MS4A4E: variants seen among roughly 807,000 people sequenced by gnomAD.
MS4A4E encodes the protein putative membrane-spanning 4-domains subfamily A member 4E.
A neutral mutation model predicts 13.3 loss-of-function variants in MS4A4E; 23 were observed. The ratio of observed to expected loss-of-function variants is 1.73; its 90% CI spans 1.25 to 2.45. The LOEUF is 2.45. MS4A4E is among the 30% of genes most tolerant of loss of function. MS4A4E has a pLI of 0.00. For missense variants in MS4A4E, 144 were observed against 131.2 expected (o/e 1.10, Z -0.48); for synonymous variants, 36 against 45.6 (o/e 0.79, Z 0.85).
chr11:60,228,990 T>C (rs900265481), intron 2 of MS4A4E, among the ~76,000 whole-genome samples: 1 of 152,212 alleles, frequency 6.6e-6, no homozygotes, highest in Non-Finnish European at 1.5e-5. Flanking sequence ...TTAAAGCCCA[T>C]AGAACACACA....
At chr11:60,238,381 G>A (rs2084510061) in intron 1 of MS4A4E, among the ~76,000 whole-genome samples, 1 of 151,456 alleles carries the variant, frequency 6.6e-6, no homozygotes, top group Admixed American at 6.6e-5. Context: ...TCTTATTTTT[G>A]TATTTCTTCT....
At chr11:60,216,547 G>A (rs1034298019) in intron 3 of MS4A4E, among the ~76,000 whole-genome samples, 10 of 151,834 alleles carry the variant, frequency 6.6e-5, no homozygotes, top group African/African-American at 2.2e-4. Flanking sequence ...TTAGCAGAAT[G>A]TCCAGATCAT....
chr11:60,220,720 G>A (rs2868099), intron 3 of MS4A4E, among the ~76,000 whole-genome samples: 9,831 of 152,220 alleles, frequency 0.065, 512 homozygotes, highest in South Asian at 0.25. Flanking sequence ...TCAGTGGTGT[G>A]GGGCCTGTCA....
chr11:60,241,110 G>A (rs1296736481), intron 1 of MS4A4E, among the ~76,000 whole-genome samples: 4 of 152,092 alleles, frequency 2.6e-5, no homozygotes, highest in African/African-American at 4.8e-5. Flanking sequence ...TGCAAGCTCC[G>A]CCTCCCGGGT....
At chr11:60,241,018 T>C (rs137929092) in intron 1 of MS4A4E, among the ~76,000 whole-genome samples, 3 of 150,780 alleles carry the variant, frequency 2.0e-5, no homozygotes, top group African/African-American at 7.5e-5. Flanking sequence ...TATTTATTTA[T>C]TTATTTACTT....
Position 60,206,383 on chromosome 11 carries a change from T to C in MS4A4E, c.484-563A>G, listed in dbSNP as rs1202874302. ...AAATGCATTATTTATTAATTTAACT[T>C]CTAGTACTCTCGATAAAGGGCCAAT... On this transcript the variant is annotated intron_variant, in intron 6 of 8. Coordinates refer to ENST00000651255, the MANE Select transcript of MS4A4E (RefSeq NM_001393391.1). 2.7e-5 allele frequency among the ~76,000 whole-genome samples: 4 copies of C among 149,364 alleles called. No individual in the cohort carries two copies. The Admixed American group carries it at 2.7e-4, about 10-fold the overall frequency.
In MS4A4E at chr11:60,213,230, A is replaced by G. The variant is rs1253518936; in HGVS notation, c.223-98T>C. Reference sequence around the variant, plus strand: ...TGCTGTCTACCTTTATCTTATTTCAATAGTCTTCTAACTTGTCTCCTTATA... The same window carrying G: ...TGCTGTCTACCTTTATCTTATTTCAGTAGTCTTCTAACTTGTCTCCTTATA... On this transcript the variant is annotated intron_variant, in intron 4 of 8. Transcript: ENST00000651255. The G allele has an allele frequency of 4.8e-6, 7 of 1,464,894 alleles. No individual in the cohort carries two copies. In the Admixed American group the frequency reaches 1.2e-4, roughly 25 times the overall value. 90.7% of individuals were successfully genotyped at this position (1,464,894 alleles called of 1,614,324 possible).
At chr11:60,217,308 G>T (rs570204102) in intron 3 of MS4A4E, among the ~76,000 whole-genome samples, 3 of 152,158 alleles carry the variant, frequency 2.0e-5, no homozygotes, top group Non-Finnish European at 2.9e-5. Context: ...CTGTTAAAGC[G>T]AGAGCATTGA....
chr11:60,221,681 T>G (rs2084272225), intron 3 of MS4A4E, among the ~76,000 whole-genome samples: 1 of 152,184 alleles, frequency 6.6e-6, no homozygotes, highest in African/African-American at 2.4e-5. Flanking sequence ...TACTGATTCA[T>G]GGGCTATAGC....
At chr11:60,228,052 A>G (rs1409436770) in intron 3 of MS4A4E, among the ~76,000 whole-genome samples, 1 of 152,144 alleles carries the variant, frequency 6.6e-6, no homozygotes, top group Non-Finnish European at 1.5e-5. Context: ...GAGTTTGTCA[A>G]TACAATACCA....
intron 7 of MS4A4E, among the ~76,000 whole-genome samples, 101 bp downstream of exon 7, chr11:60,205,613 A>C (rs2084029266): frequency 6.6e-6 from 1 of 152,228 alleles, no homozygotes; most frequent in Non-Finnish European, 1.5e-5. Flanking sequence ...GCACAGATAA[A>C]TTTTGTGGCA....
At chr11:60,214,548 A>AC (rs746270814) in intron 4 of MS4A4E, 23 bp downstream of exon 4, 11 of 1,479,024 alleles carry the variant, frequency 7.4e-6, no homozygotes, top group Non-Finnish European at 9.9e-6. Flanking sequence ...TCCTTTTGAT[A>AC]CCCCCCACAA....
rs1448772555 is a variant in MS4A4E at position 60,201,164 on chromosome 11, G to T, written c.*379C>A. 2 of 145,348 alleles carry T rather than the reference G, an allele frequency of 1.4e-5. No individual in the cohort carries two copies. The highest frequency in any genetic ancestry group is 5.3e-5 in the African/African-American group (2 of 37,560). 9.0% of individuals were successfully genotyped at this position (145,348 alleles called of 1,614,324 possible). A position where few individuals can be genotyped will look rare whatever the true frequency, so the allele number is the denominator to read the frequency against. Reference sequence around the variant, plus strand: ...ACGGAGCGGCTGGCCGGGTAGAGGGGCTCCTCACTTCCCAGTAGGGGCGGC... The same window carrying T: ...ACGGAGCGGCTGGCCGGGTAGAGGGTCTCCTCACTTCCCAGTAGGGGCGGC... On this transcript the variant is annotated 3_prime_UTR_variant, in exon 9 of 9. Transcript: ENST00000651255.
At position 60,213,126 on chromosome 11, in the gene MS4A4E, C is replaced by T. The variant is rs370913684; in HGVS notation, c.229G>A (p.Gly77Ser). 8.7e-4 allele frequency: 593 copies of T among 681,768 alleles called. 12 individuals carry two copies. The South Asian group carries it at 0.01, about 12-fold the overall frequency. 42.2% of individuals were successfully genotyped at this position (681,768 alleles called of 1,614,324 possible). The change falls in exon 5 of 9, where the codon GGT (glycine) becomes AGT (serine). Residue 77 changes from glycine (G) to serine (S), a missense_variant. Around this residue, in one of 3 missense-constraint regions of MS4A4E, gnomAD observed 119 missense variants for 88.7 expected, o/e 1.34. Coordinates refer to ENST00000651255, the MANE Select transcript of MS4A4E (RefSeq NM_001393391.1). ...GIRTTKGLVG[G>S]SLGKNITSSV... is the part of the protein sequence containing the mutation. ...CTGGTGATATTCTTTCCTAGACTAC[C>T]TCCAACCTAGAAAGAAATGAAAATT...
chr11:60,242,846 C>T (rs777913875), intron 1 of MS4A4E, 112 bp downstream of exon 1: 9 of 697,930 alleles, frequency 1.3e-5, no homozygotes, highest in Non-Finnish European at 1.7e-5. Flanking sequence ...CAGCTTGGGT[C>T]ATGGGAAGTG....
intron 3 of MS4A4E, among the ~76,000 whole-genome samples, chr11:60,223,412 T>A (rs971012344): frequency 6.6e-6 from 1 of 152,224 alleles, no homozygotes; most frequent in Non-Finnish European, 1.5e-5. Context: ...AGGCATAATT[T>A]TGGCCTTTTG....
At chr11:60,224,863 T>C (rs1410871820) in intron 3 of MS4A4E, 5 of 1,063,732 alleles carry the variant, frequency 4.7e-6, no homozygotes, top group Admixed American at 6.8e-5. Context: ...CATTCTCAAA[T>C]TTACAGAATT....
chr11:60,242,147 T>A (rs1590735177), intron 1 of MS4A4E, among the ~76,000 whole-genome samples: 1 of 152,176 alleles, frequency 6.6e-6, no homozygotes, highest in East Asian at 1.9e-4. Flanking sequence ...GCAGAAATGG[T>A]GGCATGGGAA....
chr11:60,209,627 G>T (rs1279735126), intron 5 of MS4A4E, among the ~76,000 whole-genome samples: 1 of 152,200 alleles, frequency 6.6e-6, no homozygotes, highest in East Asian at 1.9e-4. Context: ...CATCACGTAG[G>T]TCAGTCTTTA....
Sources: allele counts gnomAD v4.1 joint callset (sites outside exome capture counted in the v4.1 genomes callset), GRCh38; gene constraint gnomAD v4.1.1; regional missense constraint gnomAD v4.1.1; transcripts MANE v1.5; gene names NCBI Gene and HGNC (gene_info 2026-07-23, HGNC 2026-07-21).